CHI3L2: variants seen among roughly 807,000 people sequenced by gnomAD.
The protein encoded by CHI3L2 is chitinase-3-like protein 2.
CHI3L2 carries 47 observed loss-of-function variants against 47.3 expected under a neutral mutation model. That is an observed-to-expected ratio of 0.99 (90% CI 0.79 to 1.27). The LOEUF (loss-of-function observed/expected upper bound fraction) is 1.27. Ranked by LOEUF, CHI3L2 falls within the 50% of genes most tolerant of loss-of-function variation. The pLI is 0.00. For synonymous variants in CHI3L2, 198 were observed against 169.9 expected, an observed-to-expected ratio of 1.17 and a Z score of -1.28; for missense variants, 497 against 462.1, an observed-to-expected ratio of 1.08 and a Z score of -0.69.
At chr1:111,235,099 G>C in intron 5 of CHI3L2, 42 bp downstream of exon 5, 3 of 1,600,322 alleles carry the variant, frequency 1.9e-6, no homozygotes, top group Non-Finnish European at 2.6e-6. Flanking sequence ...CAGATGCCAC[G>C]GTGTACTCAG....
At chr1:111,227,697 G>T (rs552995204), upstream of CHI3L2, 4 of 1,612,698 alleles carry the variant, frequency 2.5e-6, no homozygotes, top group East Asian at 6.7e-5. Context: ...AAGACCTAGA[G>T]AATGTGTATC....
At chr1:111,234,792 A>G in intron 4 of CHI3L2, 115 bp from the exon 5 acceptor site, 1 of 974,670 alleles carries the variant, frequency 1.0e-6, no homozygotes. Context: ...AGAATAGACA[A>G]ATTGTAAGTG....
chr1:111,231,515 C>T (rs2182115), intron 4 of CHI3L2: 2 of 448,574 alleles, frequency 4.5e-6, no homozygotes, highest in Admixed American at 4.0e-5. Context: ...CCCAGACACT[C>T]AAGGCTTGAG....
chr1:111,231,564 T>C (rs541278375), intron 4 of CHI3L2: 12 of 327,046 alleles, frequency 3.7e-5, no homozygotes, highest in Admixed American at 2.8e-4. Context: ...AAATTCTGAA[T>C]TATTTACATG....
At position 111,230,765 on chromosome 1, in the gene CHI3L2, T is replaced by C; in HGVS notation, c.94T>C (p.Tyr32His). 1.2e-6 allele frequency: 2 copies of C among 1,614,188 alleles called. No individual in the cohort carries two copies. Among genetic ancestry groups the C allele is most frequent in the South Asian group, 1.1e-5 (1 of 91,084 alleles). ...QGGSAYKLVC[Y>H]FTNWSQDRQE... ...AGGATCTGCCTACAAACTGGTTTGC[T>C]ACTTTACCAACTGGTCCCAGGACCG... is the stretch of plus-strand genomic sequence containing the variant. Residue 32 changes from tyrosine to histidine, a missense_variant, in exon 3 of 11, where the codon TAC becomes CAC. By Grantham distance (83) the Tyr-to-His change is moderately conservative. Coordinates refer to ENST00000369748, the MANE Select transcript of CHI3L2 (RefSeq NM_004000.3).
At chr1:111,242,130 G>A (rs975104638) in intron 9 of CHI3L2, 97 bp from the exon 10 acceptor site, 2 of 1,499,424 alleles carry the variant, frequency 1.3e-6, no homozygotes, top group African/African-American at 2.8e-5. Context: ...GTCTACTGCT[G>A]TATTTTAAGC....
In CHI3L2 at chr1:111,236,065, G is replaced by C; in HGVS notation, c.647G>C (p.Gly216Ala). Reference sequence around the variant, plus strand: ...AACCTCCTGTCCTTTGACTTCCATGGGTCTTGGGAAAAGCCCCTTATCACT... The same window carrying C: ...AACCTCCTGTCCTTTGACTTCCATGCGTCTTGGGAAAAGCCCCTTATCACT... Reference protein sequence around the residue: ...FINLLSFDFHGSWEKPLITGH... With the variant: ...FINLLSFDFHASWEKPLITGH... Residue 216 changes from glycine (G) to alanine (A), a missense_variant, in exon 7 of 11, where the codon GGG (glycine) becomes GCG (alanine). By Grantham distance (60) the Gly-to-Ala change is moderately conservative. Transcript: ENST00000369748. 5 of 1,614,170 alleles carry C rather than the reference G, an allele frequency of 3.1e-6. No homozygotes were observed. Among genetic ancestry groups the C allele is most frequent in the Non-Finnish European group, 4.2e-6 (5 of 1,180,022 alleles).
chr1:111,239,248 G>T (rs932033855), intron 8 of CHI3L2: 99 of 250,560 alleles, frequency 4.0e-4, no homozygotes, highest in African/African-American at 1.9e-3. Flanking sequence ...GGATGGCAAT[G>T]CCATTTACAG....
intron 1 of CHI3L2, among the ~76,000 whole-genome samples, chr1:111,229,028 T>G (rs1659610374): frequency 6.6e-6 from 1 of 152,210 alleles, no homozygotes. Flanking sequence ...AGTTAATTGT[T>G]TATACATAGT....
rs755788178 is a variant in CHI3L2, at chr1:111,227,802, T to C, written c.40+33T>C. 1.3e-5 allele frequency: 21 copies of C among 1,601,898 alleles called. No homozygotes were observed. In the Admixed American group the frequency reaches 3.3e-4, roughly 25 times the overall value. On this transcript the variant is annotated intron_variant, in intron 1 of 10. Coordinates refer to ENST00000369748, the MANE Select transcript of CHI3L2 (RefSeq NM_004000.3). ...TGGGGTTGATAATTCAGCAGGAAAT[T>C]TGGTGAGGAAGGAAGAGGTAACAGG...
chr1:111,231,833 A>G (rs1198761309), intron 4 of CHI3L2, among the ~76,000 whole-genome samples: 1 of 152,244 alleles, frequency 6.6e-6, no homozygotes, highest in Non-Finnish European at 1.5e-5. Context: ...ATAGCTATTG[A>G]TACAAAGCAC....
At position 111,228,193 on chromosome 1, in the gene CHI3L2, T is replaced by G. The variant is rs1387530786; in HGVS notation, c.40+424T>G. Among the ~76,000 whole-genome samples, 3 of 152,172 alleles carry G rather than the reference T, an allele frequency of 2.0e-5. No homozygotes were observed. In the East Asian group the frequency reaches 5.8e-4, roughly 29 times the overall value. On this transcript the variant is annotated intron_variant, in intron 1 of 10. Coordinates refer to ENST00000369748, the MANE Select transcript of CHI3L2 (RefSeq NM_004000.3). ...GCAGAATGGTTTATTGAATTTAATG[T>G]TTTTTAAACTCTCCCTTTCAACTCT...
Position 111,234,949 on chromosome 1 carries a change from C to A in CHI3L2, c.372C>A (p.Phe124Leu), listed in dbSNP as rs201096719. Residue 124 changes from phenylalanine to leucine, a missense_variant, in exon 5 of 11, where the codon TTC (phenylalanine) becomes TTA (leucine). Coordinates refer to ENST00000369748, the MANE Select transcript of CHI3L2 (RefSeq NM_004000.3). Reference protein sequence around the residue: ...MVDSSTSRLEFINSIILFLRN... With the variant: ...MVDSSTSRLELINSIILFLRN... ...ATTCTTCTACATCACGCTTGGAATT[C>A]ATTAACTCCATAATCCTGTTTCTGA... 598 of 1,614,090 alleles carry A rather than the reference C, an allele frequency of 3.7e-4. 1 individual carries two copies. The highest frequency in any genetic ancestry group is 3.6e-4 in the Non-Finnish European group (426 of 1,179,944).
In CHI3L2 at chr1:111,236,603, G is replaced by A. The variant is rs77000537; in HGVS notation, c.735+450G>A. On this transcript the variant is annotated intron_variant, in intron 7 of 10. Transcript: ENST00000369748. ...AAACAGAAGCTTGGCAGATTCCATT[G>A]ACTCTTCAAGGTCGTGTGTTGTGAA... Among the ~76,000 whole-genome samples the A allele has an allele frequency of 2.0e-3, 301 of 152,040 alleles. 1 individual carries two copies. The highest frequency in any genetic ancestry group is 6.9e-3 in the African/African-American group (285 of 41,436).
At chr1:111,228,487 C>G (rs529446818) in intron 1 of CHI3L2, among the ~76,000 whole-genome samples, 4 of 152,232 alleles carry the variant, frequency 2.6e-5, no homozygotes, top group African/African-American at 9.6e-5. Flanking sequence ...TGACCCTTGA[C>G]AGGGTAGAGC....
At chr1:111,235,791 C>T in intron 6 of CHI3L2, 28 bp downstream of exon 6, 1 of 1,608,246 alleles carries the variant, frequency 6.2e-7, no homozygotes, top group Non-Finnish European at 8.5e-7. Context: ...ACTTTCCATC[C>T]CTCTGCTTCC....
chr1:111,238,831 T>C lies in CHI3L2; in HGVS notation c.817T>C (p.Phe273Leu), dbSNP rs1201257645. The C allele has an allele frequency of 6.2e-7, 1 of 1,613,978 alleles. No homozygotes were observed. Among genetic ancestry groups the C allele is most frequent in the Non-Finnish European group, 8.5e-7 (1 of 1,179,960 alleles). The change falls in exon 8 of 11, where the codon TTC (phenylalanine) becomes CTC (leucine). Residue 273 changes from phenylalanine to leucine, a missense_variant. Physicochemically the swap from Phe to Leu is conservative, Grantham distance 22. Coordinates refer to ENST00000369748, the MANE Select transcript of CHI3L2 (RefSeq NM_004000.3). ...VMGIPTYGHS[F>L]TLASAETTVG... is the part of the protein sequence containing the mutation. ...GGGCATCCCCACATATGGGCACTCC[T>C]TCACACTGGCCTCTGCAGAAACCAC...
At chr1:111,234,372 G>A (rs1659817166) in intron 4 of CHI3L2, among the ~76,000 whole-genome samples, 1 of 152,124 alleles carries the variant, frequency 6.6e-6, no homozygotes, top group Non-Finnish European at 1.5e-5. Flanking sequence ...ATCAGTGGAT[G>A]GAAAATCATA....
rs1374741140 is a variant in CHI3L2 at position 111,243,414 on chromosome 1, TA to T, written c.*208del. 12 of 359,300 alleles carry T rather than the reference TA, an allele frequency of 3.3e-5. No individual in the cohort carries two copies. The highest frequency in any genetic ancestry group is 1.7e-4 in the South Asian group (8 of 46,966). The allele number at this position is 359,300 out of a possible 1,614,324, so 22.3% of individuals were successfully genotyped here. A position where few individuals can be genotyped will look rare whatever the true frequency, so the allele number is the denominator to read the frequency against. On this transcript the variant is annotated 3_prime_UTR_variant, in exon 11 of 11. Coordinates refer to ENST00000369748, the MANE Select transcript of CHI3L2 (RefSeq NM_004000.3). ...GTTGACTTGTTGCCCTGAAGTACAATAAAAAAAATTCATTTTGCTCCAGTAA... is the reference window on the plus strand; with the variant it reads ...GTTGACTTGTTGCCCTGAAGTACAATAAAAAAATTCATTTTGCTCCAGTAA...
Sources: allele counts gnomAD v4.1 joint callset (sites outside exome capture counted in the v4.1 genomes callset), GRCh38; gene constraint gnomAD v4.1.1; transcripts MANE v1.5; gene names NCBI Gene and HGNC (gene_info 2026-07-23, HGNC 2026-07-21).